Variants in BAK1 observed in about 807,000 individuals in gnomAD.
BAK1 encodes the protein bcl-2 homologous antagonist/killer.
A neutral mutation model predicts 24.7 loss-of-function variants in BAK1; 19 were observed. That is an observed-to-expected ratio of 0.77 (90% confidence interval 0.54 to 1.13). The LOEUF (loss-of-function observed/expected upper bound fraction) is 1.13, where lower values mean the gene tolerates loss of function less well. Among genes scored for constraint, BAK1 ranks in the 50% most tolerant of loss-of-function variants. The pLI, the probability that BAK1 is intolerant of heterozygous loss-of-function variation, is 0.00. For synonymous variants in BAK1, 86 were observed against 107.3 expected (o/e 0.80, Z 1.23); for missense variants, 194 against 279.4 (o/e 0.69, Z 2.18).
At chr6:33,576,582 T>G (rs545521105) in intron 2 of BAK1, among the ~76,000 whole-genome samples, 3 of 139,054 alleles carry the variant, frequency 2.2e-5, no homozygotes, top group Non-Finnish European at 3.1e-5. Context: ...GCAGTGAGCC[T>G]AGATCACGCC....
Position 33,573,533 on chromosome 6 carries a change from A to G in BAK1, c.*270T>C. 1 of 501,126 alleles carries G rather than the reference A, an allele frequency of 2.0e-6. No homozygotes were observed. Among genetic ancestry groups the G allele is most frequent in the Non-Finnish European group, 3.6e-6 (1 of 278,806 alleles). 31.0% of individuals were successfully genotyped at this position (501,126 alleles called of 1,614,324 possible). A position where few individuals can be genotyped will look rare whatever the true frequency, so the allele number is the denominator to read the frequency against. On this transcript the variant is annotated 3_prime_UTR_variant, in exon 6 of 6. Coordinates refer to ENST00000374467, the MANE Select transcript of BAK1 (RefSeq NM_001188.4). Reference sequence around the variant, plus strand: ...GTTATCAGTCTCCCCAGCGCCTAGCAGACAGGGCTAAGGAGGTCCCAGAGA... The same window carrying G: ...GTTATCAGTCTCCCCAGCGCCTAGCGGACAGGGCTAAGGAGGTCCCAGAGA...
intron 4 of BAK1, 152 bp from the exon 5 acceptor site, chr6:33,574,366 G>A: frequency 2.8e-6 from 4 of 1,436,354 alleles, no homozygotes; most frequent in South Asian, 1.2e-5. Context: ...CTGTATTTGG[G>A]AACAACCTGG....
Position 33,575,055 on chromosome 6 carries a change from A to T in BAK1, c.350+243T>A, listed in dbSNP as rs1762820290. On this transcript the variant is annotated intron_variant, in intron 4 of 5. Coordinates refer to ENST00000374467, the MANE Select transcript of BAK1 (RefSeq NM_001188.4). This position sits in a 1 kb window ranked among gnomAD's most constrained non-coding sequence, Gnocchi z 6.3. ...ACCTCAGGCCCCCTCTAGAGTCCTG[A>T]TCTAACCAGTCAAGACCTTGGAGTC... Among the ~76,000 whole-genome samples the T allele has an allele frequency of 6.6e-6, 1 of 152,178 alleles. No individual in the cohort carries two copies. The highest frequency in any genetic ancestry group is 2.1e-4 in the South Asian group (1 of 4,834).
rs210135 is a variant in BAK1, at chr6:33,572,915, T to A, written c.*888A>T. 0.74 allele frequency: 109,462 copies of A among 148,766 alleles called. 40,449 individuals are homozygous for A. The highest frequency in any genetic ancestry group is 0.86 in the South Asian group (3,911 of 4,546). The allele number at this position is 148,766 out of a possible 1,614,324, so 9.2% of individuals were successfully genotyped here. ...TGAACTCCCTACTCCTTTTCCCTGA[T>A]ATAACAAACCAAGTCCTAAGCCCTG... On this transcript the variant is annotated 3_prime_UTR_variant, in exon 6 of 6. Transcript: ENST00000374467.
intron 2 of BAK1, among the ~76,000 whole-genome samples, chr6:33,576,567 A>C (rs2151256695): frequency 6.6e-6 from 1 of 151,514 alleles, no homozygotes; most frequent in African/African-American, 2.4e-5. Context: ...CGGGAGTTGG[A>C]GCTTGCAGTG....
In BAK1 at chr6:33,578,589, C is replaced by G. The variant is rs1330499492; in HGVS notation, c.-31-954G>C. On this transcript the variant is annotated intron_variant, in intron 1 of 5. Coordinates refer to ENST00000374467, the MANE Select transcript of BAK1 (RefSeq NM_001188.4). This position sits in a 1 kb window ranked among gnomAD's most constrained non-coding sequence, Gnocchi z 4.8. ...AGTGACCGGAGGGAGCCCTCAGGAT[C>G]AGGGCCTTCTTTGAAGCCCCATAAC... is the stretch of plus-strand genomic sequence containing the variant. 6.6e-6 allele frequency among the ~76,000 whole-genome samples: 1 copy of G among 152,178 alleles called. No individual in the cohort carries two copies. Among genetic ancestry groups the G allele is most frequent in the Non-Finnish European group, 1.5e-5 (1 of 68,032 alleles).
At chr6:33,574,649 T>A (rs1325734665) in intron 4 of BAK1, 1 of 778,488 alleles carries the variant, frequency 1.3e-6, no homozygotes, top group Non-Finnish European at 1.9e-6. Context: ...TGAGCACTAA[T>A]TCTAAAATCT....
intron 4 of BAK1, 31 bp from the exon 5 acceptor site, chr6:33,574,245 G>A: frequency 1.2e-6 from 2 of 1,601,236 alleles, no homozygotes; most frequent in East Asian, 2.2e-5. Context: ...AGCATTGGTG[G>A]AGAGCCCCCA....
chr6:33,576,952 G>A (rs1762858720), intron 2 of BAK1, among the ~76,000 whole-genome samples: 2 of 152,326 alleles, frequency 1.3e-5, no homozygotes, highest in South Asian at 4.1e-4. Flanking sequence ...TTGCGTGCAG[G>A]GAAATGTGGG....
intron 4 of BAK1, 72 bp from the exon 5 acceptor site, chr6:33,574,286 A>T (rs1408517493): frequency 1.3e-6 from 2 of 1,553,962 alleles, no homozygotes; most frequent in Non-Finnish European, 1.8e-6. Flanking sequence ...GGCCTCTCCC[A>T]CCCCTCTCCC....
chr6:33,574,314 C>A (rs1480310489), intron 4 of BAK1, 100 bp from the exon 5 acceptor site: 4 of 1,494,518 alleles, frequency 2.7e-6, no homozygotes. Context: ...AGCTAAATAG[C>A]TTAGCTGTGA....
chr6:33,573,507 A>G lies in BAK1; in HGVS notation c.*296T>C, dbSNP rs1762795068. 1 of 405,514 alleles carries G rather than the reference A, an allele frequency of 2.5e-6. No individual in the cohort carries two copies. The highest frequency in any genetic ancestry group is 2.0e-5 in the African/African-American group (1 of 50,814). The allele number at this position is 405,514 out of a possible 1,614,324, so 25.1% of individuals were successfully genotyped here. On this transcript the variant is annotated 3_prime_UTR_variant, in exon 6 of 6. Transcript: ENST00000374467. ...TGGCTCCCAGTCTCTTGCCTCCCCA[A>G]GTTATCAGTCTCCCCAGCGCCTAGC...
In BAK1 at chr6:33,573,751, C is replaced by G; in HGVS notation, c.*52G>C. 20 of 1,487,154 alleles carry G rather than the reference C, an allele frequency of 1.3e-5. No homozygotes were observed. Among genetic ancestry groups the G allele is most frequent in the Non-Finnish European group, 1.9e-5 (20 of 1,067,722 alleles). The allele number at this position is 1,487,154 out of a possible 1,614,324, so 92.1% of individuals were successfully genotyped here. On this transcript the variant is annotated 3_prime_UTR_variant, in exon 6 of 6. Coordinates refer to ENST00000374467, the MANE Select transcript of BAK1 (RefSeq NM_001188.4). ...GGGAACAGAGAAGGCAAAGACTTCGCTTAAGTCCAGGCAGGGGTCTGAACC... is the reference window on the plus strand; with the variant it reads ...GGGAACAGAGAAGGCAAAGACTTCGGTTAAGTCCAGGCAGGGGTCTGAACC...
rs1322959667 is a variant in BAK1, at chr6:33,578,127, T to G, written c.-31-492A>C. Among the ~76,000 whole-genome samples the G allele has an allele frequency of 6.6e-6, 1 of 152,178 alleles. No individual in the cohort carries two copies. The highest frequency in any genetic ancestry group is 1.5e-5 in the Non-Finnish European group (1 of 68,022). On this transcript the variant is annotated intron_variant, in intron 1 of 5. Coordinates refer to ENST00000374467, the MANE Select transcript of BAK1 (RefSeq NM_001188.4). The surrounding 1 kb of genome is among the most constrained non-coding windows in gnomAD (Gnocchi z 4.8). ...CTGCAGCCCACCCAGCACATGCTTA[T>G]TGCAAGCGAGCCACTGCCCAGCCAA...
chr6:33,578,998 G>C lies in BAK1; in HGVS notation c.-32+1027C>G, dbSNP rs1457084159. Among the ~76,000 whole-genome samples, 1 of 152,198 alleles carries C rather than the reference G, an allele frequency of 6.6e-6. No homozygotes were observed. Among genetic ancestry groups the C allele is most frequent in the African/African-American group, 2.4e-5 (1 of 41,526 alleles). On this transcript the variant is annotated intron_variant, in intron 1 of 5. Transcript: ENST00000374467. This position sits in a 1 kb window ranked among gnomAD's most constrained non-coding sequence, Gnocchi z 4.8. ...GGTGGAGGAGGGCTGGACCACCTGT[G>C]CCCTCACCCAGCTCCCCACTCCTCC...
At chr6:33,576,956 A>G (rs188240210) in intron 2 of BAK1, among the ~76,000 whole-genome samples, 1 of 152,336 alleles carries the variant, frequency 6.6e-6, no homozygotes, top group Non-Finnish European at 1.5e-5. Flanking sequence ...GTGCAGGGAA[A>G]TGTGGGAAAC....
In BAK1 at chr6:33,575,340, G is replaced by T; in HGVS notation, c.308C>A (p.Thr103Lys). 1.2e-6 allele frequency: 2 copies of T among 1,614,202 alleles called. No individual in the cohort carries two copies. Among genetic ancestry groups the T allele is most frequent in the South Asian group, 1.1e-5 (1 of 91,084 alleles). ...FQTMLQHLQP[T>K]AENAYEYFTK... ...GAAGTACTCATAGGCATTCTCTGCC[G>T]TGGGCTGCAGGTGCTGCAACATGGT... The change falls in exon 4 of 6, where the codon ACG becomes AAG. Residue 103 changes from threonine to lysine, a missense_variant. By Grantham distance (78) the Thr-to-Lys change is moderately conservative. Transcript: ENST00000374467. This position sits in a 1 kb window ranked among gnomAD's most constrained non-coding sequence, Gnocchi z 6.3.
rs1158442860 is a variant in BAK1 at position 33,578,171 on chromosome 6, C to T, written c.-31-536G>A. ...CAGCCAATGGCCCATGAAGGCTGTC[C>T]TCAGAGGCCCTACTTCCCTCTGGCT... On this transcript the variant is annotated intron_variant, in intron 1 of 5. Transcript: ENST00000374467. The surrounding 1 kb of genome is among the most constrained non-coding windows in gnomAD (Gnocchi z 4.8). Among the ~76,000 whole-genome samples, 1 of 152,226 alleles carries T rather than the reference C, an allele frequency of 6.6e-6. No individual in the cohort carries two copies. The highest frequency in any genetic ancestry group is 1.5e-5 in the Non-Finnish European group (1 of 68,040).
Position 33,577,673 on chromosome 6 carries a change from A to C in BAK1, c.-31-38T>G. Reference sequence around the variant, plus strand: ...GCGAGAAAAAGCAGAGATGGGGGTGAGCACAGACCTGTGACTGGGGACCCC... The same window carrying C: ...GCGAGAAAAAGCAGAGATGGGGGTGCGCACAGACCTGTGACTGGGGACCCC... On this transcript the variant is annotated intron_variant, in intron 1 of 5. Coordinates refer to ENST00000374467, the MANE Select transcript of BAK1 (RefSeq NM_001188.4). The surrounding 1 kb of genome is among the most constrained non-coding windows in gnomAD (Gnocchi z 4.6). The C allele has an allele frequency of 7.2e-7, 1 of 1,383,242 alleles. No individual in the cohort carries two copies. The highest frequency in any genetic ancestry group is 9.9e-7 in the Non-Finnish European group (1 of 1,011,492). 85.7% of individuals were successfully genotyped at this position (1,383,242 alleles called of 1,614,324 possible). A position where few individuals can be genotyped will look rare whatever the true frequency, so the allele number is the denominator to read the frequency against.
Sources: allele counts gnomAD v4.1 joint callset (sites outside exome capture counted in the v4.1 genomes callset), GRCh38; gene constraint gnomAD v4.1.1; non-coding constraint Gnocchi (gnomAD v3.1); transcripts MANE v1.5; gene names NCBI Gene and HGNC (gene_info 2026-07-23, HGNC 2026-07-21).